The following PCF11 variants were observed in gnomAD, a reference collection of about 807,000 sequenced individuals.
The protein encoded by PCF11 is PCF11 cleavage and polyadenylation factor subunit.
PCF11 carries 19 observed loss-of-function variants against 166.1 expected under a neutral mutation model. The ratio of observed to expected loss-of-function variants is 0.11; its 90% confidence interval spans 0.08 to 0.17. The LOEUF (loss-of-function observed/expected upper bound fraction) is 0.17. PCF11 is among the 10% of genes least tolerant of loss of function. PCF11 has a pLI of 1.00. For synonymous variants in PCF11, 663 were observed against 644.1 expected, an observed-to-expected ratio of 1.03 and a Z score of -0.44; for missense variants, 1,565 against 1,855.5, an observed-to-expected ratio of 0.84 and a Z score of 2.88.
At position 83,163,557 on chromosome 11, in the gene PCF11, A is replaced by G. The variant is rs757697925; in HGVS notation, c.319-122A>G. The G allele has an allele frequency of 2.3e-5, 9 of 394,520 alleles. No homozygotes were observed. In the East Asian group the frequency reaches 3.6e-4, roughly 16 times the overall value. 24.4% of individuals were successfully genotyped at this position (394,520 alleles called of 1,614,324 possible). A position where few individuals can be genotyped will look rare whatever the true frequency, so the allele number is the denominator to read the frequency against. On this transcript the variant is annotated intron_variant, in intron 2 of 15. Transcript: ENST00000298281. ...CTTTAATAAATTATTACTGTTGTAT[A>G]TACTTACCAATGGGTAGTACAGTTC...
Position 83,167,176 on chromosome 11 carries a change from G to A in PCF11, c.1869G>A (p.Glu623=), listed in dbSNP as rs376711899. The A allele has an allele frequency of 6.2e-6, 10 of 1,613,536 alleles. No homozygotes were observed. Among genetic ancestry groups the A allele is most frequent in the Non-Finnish European group, 8.5e-6 (10 of 1,179,656 alleles). Residue 623 remains glutamate, a synonymous_variant, in exon 6 of 16, where the codon GAG becomes GAA. Transcript: ENST00000298281. The surrounding 1 kb of genome is among the most constrained non-coding windows in gnomAD (Gnocchi z 4.2). Reference sequence around the variant, plus strand: ...AACCTCCTCATCTGAGGCATAGGGAGAGCTGGTCAAGCACTAAAGGAATTT... The same window carrying A: ...AACCTCCTCATCTGAGGCATAGGGAAAGCTGGTCAAGCACTAAAGGAATTT...
chr11:83,185,941 T>C (rs1280064818), exon 16 of PCF11: 1 of 152,520 alleles, frequency 6.6e-6, no homozygotes, highest in Non-Finnish European at 1.5e-5. Flanking sequence ...TTATTGGAGA[T>C]AGGCATATAA....
intron 9 of PCF11, among the ~76,000 whole-genome samples, chr11:83,176,685 G>T (rs550791706): frequency 2.0e-5 from 3 of 151,966 alleles, no homozygotes; most frequent in African/African-American, 7.3e-5. Flanking sequence ...AGGCACAGTC[G>T]GGGGGTGGGG....
intron 9 of PCF11, among the ~76,000 whole-genome samples, chr11:83,174,516 G>T (rs1027044647): frequency 6.6e-6 from 1 of 151,650 alleles, no homozygotes; most frequent in African/African-American, 2.4e-5. Context: ...ACCACACTCG[G>T]CCTCAAAGAG....
At chr11:83,169,301 C>T in exon 8 of PCF11, 1 of 1,611,862 alleles carries the variant, frequency 6.2e-7, no homozygotes, top group Non-Finnish European at 8.5e-7. Context: ...CATGGTCAGC[C>T]AGGGGTTGGT....
At position 83,171,339 on chromosome 11, in the gene PCF11, G is replaced by T. The variant is rs1204013014; in HGVS notation, c.3661-479G>T. 3 of 452,244 alleles carry T rather than the reference G, an allele frequency of 6.6e-6. No individual in the cohort carries two copies. The Admixed American group carries it at 7.2e-5, about 11-fold the overall frequency. 28.0% of individuals were successfully genotyped at this position (452,244 alleles called of 1,614,324 possible). A position where few individuals can be genotyped will look rare whatever the true frequency, so the allele number is the denominator to read the frequency against. On this transcript the variant is annotated intron_variant, in intron 8 of 15. Coordinates refer to ENST00000298281, the Ensembl canonical transcript of PCF11. ...ATTAGAACAGGCTTTTGATATCTGT[G>T]GAAAAGTGGCAAGGGTTAGGAGTTC...
In PCF11 at chr11:83,167,079, T is replaced by G. The variant is rs557728339; in HGVS notation, c.1818-46T>G. 1.4e-6 allele frequency: 2 copies of G among 1,467,116 alleles called. No individual in the cohort carries two copies. Among genetic ancestry groups the G allele is most frequent in the Non-Finnish European group, 1.9e-6 (2 of 1,076,248 alleles). 90.9% of individuals were successfully genotyped at this position (1,467,116 alleles called of 1,614,324 possible). A position where few individuals can be genotyped will look rare whatever the true frequency, so the allele number is the denominator to read the frequency against. On this transcript the variant is annotated intron_variant, in intron 5 of 15. Transcript: ENST00000298281. This position sits in a 1 kb window ranked among gnomAD's most constrained non-coding sequence, Gnocchi z 4.2. ...ATCTTTAAATATGGTCCTGAGTATT[T>G]TTTAAAAAAACATTTCAATGTAACA...
At chr11:83,161,269 T>A (rs1180956923) in intron 1 of PCF11, 58 bp from the exon 2 acceptor site, 7 of 1,424,362 alleles carry the variant, frequency 4.9e-6, no homozygotes, top group South Asian at 3.8e-5. Context: ...AACTCATTTT[T>A]AAATAATTAT....
chr11:83,167,204 T>C lies in PCF11; in HGVS notation c.1897T>C (p.Ser633Pro). Residue 633 changes from serine (S) to proline (P), a missense_variant, in exon 6 of 16, where the codon TCA (serine) becomes CCA (proline). Physicochemically the swap from Ser to Pro is moderately conservative, Grantham distance 74. This residue lies in a region of PCF11 where 468 missense variants were observed against 483.4 expected (regional missense o/e 0.97). Transcript: ENST00000298281. The surrounding 1 kb of genome is among the most constrained non-coding windows in gnomAD (Gnocchi z 4.2). ...CTGGTCAAGCACTAAAGGAATTTTA[T>C]CACCTCGAGCCCCAAAGCAGCAACA... 1 of 1,613,754 alleles carries C rather than the reference T, an allele frequency of 6.2e-7. No individual in the cohort carries two copies.
At chr11:83,159,807 T>TA (rs1860159239) in intron 1 of PCF11, among the ~76,000 whole-genome samples, 1 of 152,058 alleles carries the variant, frequency 6.6e-6, no homozygotes, top group Admixed American at 6.5e-5. Flanking sequence ...TTACTAAACT[T>TA]AAAGGATTCA....
At chr11:83,183,418 A>G (rs956770283) in intron 15 of PCF11, among the ~76,000 whole-genome samples, 6 of 151,868 alleles carry the variant, frequency 4.0e-5, no homozygotes, top group Non-Finnish European at 8.8e-5. Context: ...ATACGTTTCT[A>G]GAGCTATGGG....
chr11:83,169,857 A>G (rs1425493846), exon 8 of PCF11: 1 of 1,613,668 alleles, frequency 6.2e-7, no homozygotes, highest in Admixed American at 1.7e-5. Flanking sequence ...ATGGCCCTGG[A>G]AACCAGAGTT....
chr11:83,181,400 A>G (rs1245920275), intron 12 of PCF11, among the ~76,000 whole-genome samples: 1 of 148,300 alleles, frequency 6.7e-6, no homozygotes, highest in Non-Finnish European at 1.5e-5. Flanking sequence ...TTTGAAGAGT[A>G]TTTTTTTTTT....
chr11:83,164,100 G>A, intron 3 of PCF11, 107 bp from the exon 4 acceptor site: 1 of 719,306 alleles, frequency 1.4e-6, no homozygotes, highest in East Asian at 2.8e-5. Context: ...TAAGTTTTCT[G>A]TGTGATAGGA....
chr11:83,167,872 G>A lies in PCF11; in HGVS notation c.2092+367G>A, dbSNP rs1478146760. The A allele has an allele frequency of 7.6e-7, 1 of 1,308,404 alleles. No homozygotes were observed. The highest frequency in any genetic ancestry group is 5.2e-5 in the East Asian group (1 of 19,138). The allele number at this position is 1,308,404 out of a possible 1,614,324, so 81.0% of individuals were successfully genotyped here. On this transcript the variant is annotated intron_variant, in intron 7 of 15. Transcript: ENST00000298281. This position sits in a 1 kb window ranked among gnomAD's most constrained non-coding sequence, Gnocchi z 4.2. ...CTTTCACCCCATGAGGGCCGGAGAAGACATGACGAGCAAGTCTCTGCTAAA... is the reference window on the plus strand; with the variant it reads ...CTTTCACCCCATGAGGGCCGGAGAAAACATGACGAGCAAGTCTCTGCTAAA...
chr11:83,168,342 T>C (rs1463282380), intron 7 of PCF11, 86 bp from the exon 8 acceptor site: 40 of 1,231,564 alleles, frequency 3.2e-5, no homozygotes, highest in Non-Finnish European at 4.3e-5. Flanking sequence ...TGTAGTGAGA[T>C]AGTTATATAT....
rs1296288846 is a variant in PCF11, at chr11:83,164,507, ACT to A, written c.702+109_702+110del. ...AACATGTTACTTTTATTAATAGTGT[ACT>A]CTTTTTTCACTTTTATTTTACAAAT... On this transcript the variant is annotated intron_variant, in intron 4 of 15. Coordinates refer to ENST00000298281, the Ensembl canonical transcript of PCF11. The A allele has an allele frequency of 3.9e-6, 3 of 767,378 alleles. No individual in the cohort carries two copies. The East Asian group carries it at 8.3e-5, about 21-fold the overall frequency. The allele number at this position is 767,378 out of a possible 1,614,324, so 47.5% of individuals were successfully genotyped here.
exon 9 of PCF11, chr11:83,171,874 A>C: frequency 6.2e-7 from 1 of 1,602,380 alleles, no homozygotes; most frequent in South Asian, 1.1e-5. Flanking sequence ...AGTTTTTACC[A>C]GTTCATCCAC....
At chr11:83,180,131 C>T (rs1263651521) in intron 11 of PCF11, 2 of 148,768 alleles carry the variant, frequency 1.3e-5, no homozygotes, top group East Asian at 2.0e-4. Flanking sequence ...CTCTGTGGCC[C>T]AGGCTGGAGT....
Sources: gnomAD v4.1 joint callset for allele counts (sites outside exome capture counted in the v4.1 genomes callset) on GRCh38, gnomAD v4.1.1 for gene constraint, gnomAD v4.1.1 regional missense constraint, Gnocchi (gnomAD v3.1) non-coding constraint, MANE v1.5 for transcripts, NCBI Gene and HGNC (gene_info 2026-07-23, HGNC 2026-07-21) for gene names.